Variants in CACNA2D3 observed in about 807,000 individuals in gnomAD.
The protein encoded by CACNA2D3 is voltage-dependent calcium channel subunit alpha-2/delta-3.
Under a neutral mutation model 160.6 loss-of-function variants are expected in CACNA2D3, and 60 were observed. The ratio of observed to expected loss-of-function variants is 0.37; its 90% CI spans 0.30 to 0.46. CACNA2D3 has a LOEUF of 0.46. Ranked by LOEUF, CACNA2D3 falls within the 20% of genes least tolerant of loss-of-function variation. The pLI, the probability that CACNA2D3 is intolerant of heterozygous loss-of-function variation, is 1.00. For synonymous variants in CACNA2D3, 558 were observed against 492.9 expected, an observed-to-expected ratio of 1.13 and a Z score of -1.75; for missense variants, 1,205 against 1,365.0, an observed-to-expected ratio of 0.88 and a Z score of 1.85.
intron 4 of CACNA2D3, among the ~76,000 whole-genome samples, chr3:54,424,648 T>A (rs556180757): frequency 1.3e-5 from 2 of 152,138 alleles, no homozygotes; most frequent in Admixed American, 1.3e-4. Context: ...GGCTCTGTAC[T>A]CTGGGGATGG....
In CACNA2D3 at chr3:54,569,993, T is replaced by C; in HGVS notation, c.777T>C (p.Ile259=). Residue 259 remains isoleucine, a synonymous_variant, in exon 8 of 38, where the codon ATT becomes ATC. Coordinates refer to ENST00000474759, the MANE Select transcript of CACNA2D3 (RefSeq NM_018398.3). ...QAATSPKDVV[I]LVDVSGSMKG... ...CAACTTCTCCGAAAGACGTGGTCAT[T>C]TTAGTTGACGTCAGTGGCAGCATGA... The C allele has an allele frequency of 6.2e-7, 1 of 1,613,992 alleles. No homozygotes were observed. Among genetic ancestry groups the C allele is most frequent in the Non-Finnish European group, 8.5e-7 (1 of 1,179,878 alleles).
intron 5 of CACNA2D3, among the ~76,000 whole-genome samples, chr3:54,516,985 A>G (rs1701561555): frequency 6.6e-6 from 1 of 152,198 alleles, no homozygotes; most frequent in Non-Finnish European, 1.5e-5. Context: ...TTCCCCCTGC[A>G]GGAGTGGGAG....
intron 2 of CACNA2D3, among the ~76,000 whole-genome samples, chr3:54,308,529 A>G (rs1453505537): frequency 6.6e-6 from 1 of 152,162 alleles, no homozygotes; most frequent in African/African-American, 2.4e-5. Context: ...CACTATGTGG[A>G]AGGCTACCTG....
intron 17 of CACNA2D3, among the ~76,000 whole-genome samples, chr3:54,863,713 GTTT>G (rs77747315): frequency 1.3e-5 from 2 of 150,302 alleles, no homozygotes; most frequent in South Asian, 2.1e-4. Flanking sequence ...GTTAATTGTT[GTTT>G]TTTTTTAAAA....
intron 13 of CACNA2D3, among the ~76,000 whole-genome samples, chr3:54,795,815 A>G (rs1390909497): frequency 1.3e-5 from 2 of 152,224 alleles, no homozygotes; most frequent in African/African-American, 2.4e-5. Flanking sequence ...CCAGTAGGAA[A>G]TACCGATATT....
chr3:54,179,170 A>G (rs778232343), intron 2 of CACNA2D3, among the ~76,000 whole-genome samples: 1 of 152,146 alleles, frequency 6.6e-6, no homozygotes, highest in Non-Finnish European at 1.5e-5. Flanking sequence ...TTGAAAGAGG[A>G]AAAAGGGAAA....
intron 3 of CACNA2D3, among the ~76,000 whole-genome samples, chr3:54,368,598 C>T (rs74829449): frequency 0.018 from 2,624 of 149,808 alleles, 42 homozygotes; most frequent in Non-Finnish European, 0.029. Context: ...TTCATGTAAA[C>T]TTGAATTTCC....
At chr3:54,391,629 G>C (rs1699284202) in intron 4 of CACNA2D3, among the ~76,000 whole-genome samples, 1 of 151,852 alleles carries the variant, frequency 6.6e-6, no homozygotes, top group Admixed American at 6.6e-5. Flanking sequence ...TCATGCCTCA[G>C]CTTCCCCAGT....
rs200806105 is a variant in CACNA2D3 at position 54,983,153 on chromosome 3, A to G, written c.2557-1455A>G. Among the ~76,000 whole-genome samples, 24 of 152,322 alleles carry G rather than the reference A, an allele frequency of 1.6e-4. No homozygotes were observed. The East Asian group carries it at 4.6e-3, about 29-fold the overall frequency. On this transcript the variant is annotated intron_variant, in intron 29 of 37. Transcript: ENST00000474759. Reference sequence around the variant, plus strand: ...CCCAATGTAGACTAGGTTAAAACTCATTGTAGTACTAGTATAATCTAAGAC... The same window carrying G: ...CCCAATGTAGACTAGGTTAAAACTCGTTGTAGTACTAGTATAATCTAAGAC...
At chr3:54,740,849 A>G (rs1230594019) in intron 11 of CACNA2D3, among the ~76,000 whole-genome samples, 3 of 152,190 alleles carry the variant, frequency 2.0e-5, no homozygotes, top group Admixed American at 1.3e-4. Flanking sequence ...AATTCACAAC[A>G]GCTGTTGGTT....
intron 11 of CACNA2D3, among the ~76,000 whole-genome samples, chr3:54,751,483 T>C (rs1051884724): frequency 6.6e-6 from 1 of 152,168 alleles, no homozygotes; most frequent in African/African-American, 2.4e-5. Context: ...TCTTCATGTA[T>C]TGAGTATCAA....
intron 2 of CACNA2D3, among the ~76,000 whole-genome samples, chr3:54,246,156 A>G (rs749338041): frequency 3.3e-5 from 5 of 152,224 alleles, no homozygotes; most frequent in African/African-American, 4.8e-5. Flanking sequence ...TTTCTCAGAA[A>G]TGGCTCGAAG....
chr3:54,443,734 T>C (rs1460946229), intron 4 of CACNA2D3, among the ~76,000 whole-genome samples: 1 of 152,208 alleles, frequency 6.6e-6, no homozygotes, highest in African/African-American at 2.4e-5. Flanking sequence ...CACATTCGTC[T>C]CTTGCCATGT....
chr3:54,748,156 G>A (rs528570645), intron 11 of CACNA2D3, among the ~76,000 whole-genome samples: 15 of 152,296 alleles, frequency 9.8e-5, no homozygotes, highest in African/African-American at 3.6e-4. Flanking sequence ...ATTGAAGGGA[G>A]ATGTGCAGGC....
chr3:54,891,668 G>C (rs1440315924), intron 25 of CACNA2D3, among the ~76,000 whole-genome samples: 2 of 152,178 alleles, frequency 1.3e-5, no homozygotes, highest in Non-Finnish European at 2.9e-5. Flanking sequence ...CCTCAGGCTT[G>C]TTGGCTTCTG....
chr3:54,419,731 C>T (rs1176537999), intron 4 of CACNA2D3, among the ~76,000 whole-genome samples: 2 of 152,158 alleles, frequency 1.3e-5, no homozygotes, highest in Non-Finnish European at 2.9e-5. Flanking sequence ...TTAGCACTTA[C>T]AGATGTCTGG....
At chr3:54,941,001 A>T (rs1701452327) in intron 27 of CACNA2D3, among the ~76,000 whole-genome samples, 1 of 152,026 alleles carries the variant, frequency 6.6e-6, no homozygotes, top group South Asian at 2.1e-4. Flanking sequence ...ACCAGTTAAC[A>T]CATTTAAAAC....
chr3:54,581,514 T>G lies in CACNA2D3; in HGVS notation c.889-289T>G, dbSNP rs138724470. On this transcript the variant is annotated intron_variant, in intron 8 of 37. Transcript: ENST00000474759. ...CCATGCCCAGGGAACTGCCAGCGTTTGGAGGCAACCCCAAAGAATGATCAG... is the reference window on the plus strand; with the variant it reads ...CCATGCCCAGGGAACTGCCAGCGTTGGGAGGCAACCCCAAAGAATGATCAG... Among the ~76,000 whole-genome samples the G allele has an allele frequency of 3.9e-4, 59 of 152,228 alleles. 1 individual carries two copies. In the East Asian group the frequency reaches 6.0e-3, roughly 15 times the overall value.
intron 5 of CACNA2D3, among the ~76,000 whole-genome samples, chr3:54,536,193 G>A (rs1055256597): frequency 6.6e-6 from 1 of 152,194 alleles, no homozygotes; most frequent in Non-Finnish European, 1.5e-5. Context: ...CTGCCAGGCT[G>A]ATAGTGGCAT....
Sources: allele counts gnomAD v4.1 joint callset (sites outside exome capture counted in the v4.1 genomes callset), GRCh38; gene constraint gnomAD v4.1.1; transcripts MANE v1.5; gene names NCBI Gene and HGNC (gene_info 2026-07-23, HGNC 2026-07-21).